The following STMN2 variants were observed in gnomAD, a reference collection of about 807,000 sequenced individuals.
STMN2 encodes the protein stathmin-2.
A neutral mutation model predicts 24.1 loss-of-function variants in STMN2; 2 were observed. That is an observed-to-expected ratio of 0.08 (90% confidence interval 0.03 to 0.26). The LOEUF is 0.26. Ranked by LOEUF, STMN2 falls within the 10% of genes least tolerant of loss-of-function variation. The pLI is 1.00. For synonymous variants in STMN2, 83 were observed against 77.5 expected (o/e 1.07, Z -0.37); for missense variants, 114 against 213.6 (o/e 0.53, Z 2.91).
intron 1 of STMN2, among the ~76,000 whole-genome samples, chr8:79,629,626 G>C (rs1809751227): frequency 6.6e-6 from 1 of 152,286 alleles, no homozygotes; most frequent in Non-Finnish European, 1.5e-5. Context: ...ATTATGGAGG[G>C]AAGCAAAATT....
In STMN2 at chr8:79,655,534, A is replaced by T. The variant is rs189531992; in HGVS notation, c.480+472A>T. Among the ~76,000 whole-genome samples the T allele has an allele frequency of 6.5e-4, 99 of 152,288 alleles. 1 individual carries two copies. The highest frequency in any genetic ancestry group is 3.1e-3 in the Admixed American group (48 of 15,290). On this transcript the variant is annotated intron_variant, in intron 4 of 4. Coordinates refer to ENST00000220876, the MANE Select transcript of STMN2 (RefSeq NM_007029.4). ...CCAGAAAAGGCCAGGGTATTTATGA[A>T]CACTGGTAAGCCCATTCTAGGGTAT...
At chr8:79,631,526 A>G in intron 1 of STMN2, 7 of 821,572 alleles carry the variant, frequency 8.5e-6, no homozygotes, top group Non-Finnish European at 1.0e-5. Flanking sequence ...TGATCTTCTG[A>G]TATGTTAAAA....
chr8:79,642,707 G>A (rs1810128215), intron 3 of STMN2, among the ~76,000 whole-genome samples: 2 of 151,806 alleles, frequency 1.3e-5, no homozygotes, highest in African/African-American at 4.8e-5. Flanking sequence ...ACAAATATGT[G>A]TATTATCAAA....
chr8:79,635,169 A>G (rs991544335), intron 1 of STMN2, among the ~76,000 whole-genome samples: 2 of 152,174 alleles, frequency 1.3e-5, no homozygotes, highest in Admixed American at 1.3e-4. Flanking sequence ...GAGGCTTCCT[A>G]GAGAAAAAAT....
intron 3 of STMN2, among the ~76,000 whole-genome samples, chr8:79,652,904 T>C (rs1346909905): frequency 2.0e-5 from 3 of 152,104 alleles, no homozygotes; most frequent in East Asian, 1.9e-4. Context: ...GTAGGATGCT[T>C]TACCAACAGT....
At position 79,665,087 on chromosome 8, in the gene STMN2, A is replaced by G. The variant is rs1806575183; in HGVS notation, c.*213A>G. ...ATGTTTAAAAAATACCTTGGATCTT[A>G]TTTTGTAAATACTTACATTTTTGTT... is the stretch of plus-strand genomic sequence containing the variant. On this transcript the variant is annotated 3_prime_UTR_variant, in exon 5 of 5. Coordinates refer to ENST00000220876, the MANE Select transcript of STMN2 (RefSeq NM_007029.4). 4 of 359,180 alleles carry G rather than the reference A, an allele frequency of 1.1e-5. No individual in the cohort carries two copies. Among genetic ancestry groups the G allele is most frequent in the Non-Finnish European group, 2.0e-5 (4 of 202,292 alleles). The allele number at this position is 359,180 out of a possible 1,614,324, so 22.2% of individuals were successfully genotyped here. A position where few individuals can be genotyped will look rare whatever the true frequency, so the allele number is the denominator to read the frequency against.
chr8:79,629,298 A>T (rs558351558), intron 1 of STMN2, among the ~76,000 whole-genome samples: 5 of 152,144 alleles, frequency 3.3e-5, no homozygotes, highest in Non-Finnish European at 5.9e-5. Context: ...ATAAAATAGA[A>T]TATATTTATT....
chr8:79,647,567 T>C lies in STMN2; in HGVS notation c.288+6017T>C, dbSNP rs1810244535. ...CTTTGTGTTCAATGTTTTGGCAATG[T>C]CCCCACCTCCCCATTCCATCTGTTG... is the stretch of plus-strand genomic sequence containing the variant. On this transcript the variant is annotated intron_variant, in intron 3 of 4. Coordinates refer to ENST00000220876, the MANE Select transcript of STMN2 (RefSeq NM_007029.4). Among the ~76,000 whole-genome samples, 3 of 152,180 alleles carry C rather than the reference T, an allele frequency of 2.0e-5. No homozygotes were observed. In the South Asian group the frequency reaches 6.2e-4, roughly 32 times the overall value.
At chr8:79,620,041 A>C (rs1325016719) in intron 1 of STMN2, among the ~76,000 whole-genome samples, 1 of 151,708 alleles carries the variant, frequency 6.6e-6, no homozygotes, top group Non-Finnish European at 1.5e-5. Context: ...GAATCTTCAT[A>C]TAATCCCTCT....
chr8:79,630,470 A>G lies in STMN2; in HGVS notation c.20-6332A>G, dbSNP rs531931701. On this transcript the variant is annotated intron_variant, in intron 1 of 4. Transcript: ENST00000220876. ...AGCCACACATTACAACAAAGTGAAC[A>G]ATGAAGCTGGCATCCTTATCACTGG... 3.9e-5 allele frequency among the ~76,000 whole-genome samples: 6 copies of G among 152,342 alleles called. No homozygotes were observed. The South Asian group carries it at 1.2e-3, about 32-fold the overall frequency.
intron 1 of STMN2, among the ~76,000 whole-genome samples, chr8:79,621,652 C>T (rs1442069480): frequency 6.6e-6 from 1 of 152,192 alleles, no homozygotes; most frequent in Non-Finnish European, 1.5e-5. Flanking sequence ...CCAACTCAAT[C>T]TGCTTTAAGG....
rs1453241327 is a variant in STMN2, at chr8:79,629,021, T to A, written c.20-7781T>A. Among the ~76,000 whole-genome samples, 5 of 152,028 alleles carry A rather than the reference T, an allele frequency of 3.3e-5. No individual in the cohort carries two copies. In the South Asian group the frequency reaches 1.0e-3, roughly 32 times the overall value. On this transcript the variant is annotated intron_variant, in intron 1 of 4. Coordinates refer to ENST00000220876, the MANE Select transcript of STMN2 (RefSeq NM_007029.4). Reference sequence around the variant, plus strand: ...AAAGTTTGAGGAAGTGACATTTGAGTTTCAAAACAAAAAAGCAATTTTCAA... The same window carrying A: ...AAAGTTTGAGGAAGTGACATTTGAGATTCAAAACAAAAAAGCAATTTTCAA...
chr8:79,643,149 G>GTA (rs201477262), intron 3 of STMN2, among the ~76,000 whole-genome samples: 14,084 of 139,978 alleles, frequency 0.1, 982 homozygotes, highest in East Asian at 0.39. Context: ...ATGTGTGTGT[G>GTA]TATATATATA....
At chr8:79,662,586 C>A (rs1040469284) in intron 4 of STMN2, among the ~76,000 whole-genome samples, 1 of 152,202 alleles carries the variant, frequency 6.6e-6, no homozygotes, top group African/African-American at 2.4e-5. Flanking sequence ...AATAGAGTGA[C>A]TAAAATGCCT....
chr8:79,639,467 AGG>A lies in STMN2; in HGVS notation c.116-1909_116-1908del, dbSNP rs560138373. Among the ~76,000 whole-genome samples the A allele has an allele frequency of 4.1e-4, 62 of 152,344 alleles. 1 individual carries two copies. Among genetic ancestry groups the A allele is most frequent in the Admixed American group, 9.2e-4 (14 of 15,294 alleles). ...CTCAAAGAATGCTCATCTGAAATTGAGGGCTGACCAGCGAGGTTCTTTTAAAA... is the reference window on the plus strand; with the variant it reads ...CTCAAAGAATGCTCATCTGAAATTGAGCTGACCAGCGAGGTTCTTTTAAAA... On this transcript the variant is annotated intron_variant, in intron 2 of 4. Transcript: ENST00000220876.
At chr8:79,641,119 C>T (rs77443763) in intron 2 of STMN2, among the ~76,000 whole-genome samples, 2,201 of 152,072 alleles carry the variant, frequency 0.014, 53 homozygotes, top group African/African-American at 0.05. Context: ...GTATGCTTAC[C>T]GTTATTCAAC....
At chr8:79,629,152 A>G (rs1809737011) in intron 1 of STMN2, among the ~76,000 whole-genome samples, 1 of 152,154 alleles carries the variant, frequency 6.6e-6, no homozygotes, top group Admixed American at 6.5e-5. Flanking sequence ...GATGCTTCAC[A>G]CTCACCTCAC....
Position 79,631,539 on chromosome 8 carries a change from G to C in STMN2, c.20-5263G>C, listed in dbSNP as rs976128773. On this transcript the variant is annotated intron_variant, in intron 1 of 4. Transcript: ENST00000220876. ...AGTGATCTTCTGATATGTTAAAAAGGGTATTTTAAAATCTGAGTTATTTCT... is the reference window on the plus strand; with the variant it reads ...AGTGATCTTCTGATATGTTAAAAAGCGTATTTTAAAATCTGAGTTATTTCT... 4 of 775,950 alleles carry C rather than the reference G, an allele frequency of 5.2e-6. No homozygotes were observed. The Admixed American group carries it at 1.9e-4, about 36-fold the overall frequency. 48.1% of individuals were successfully genotyped at this position (775,950 alleles called of 1,614,324 possible).
At chr8:79,636,697 A>T in intron 1 of STMN2, 105 bp from the exon 2 acceptor site, 2 of 1,002,900 alleles carry the variant, frequency 2.0e-6, no homozygotes, top group Middle Eastern at 2.3e-4. Flanking sequence ...TCTACCTGGC[A>T]ATATTCACTC....
Sources: gnomAD v4.1 joint callset for allele counts (sites outside exome capture counted in the v4.1 genomes callset) on GRCh38, gnomAD v4.1.1 for gene constraint, MANE v1.5 for transcripts, NCBI Gene and HGNC (gene_info 2026-07-23, HGNC 2026-07-21) for gene names.